The following CYBRD1 variants were observed in gnomAD, a reference collection of about 807,000 sequenced individuals.
The protein encoded by CYBRD1 is cytochrome b reductase 1.
A neutral mutation model predicts 21.9 loss-of-function variants in CYBRD1; 14 were observed. The observed-to-expected ratio is 0.64, with a 90% CI of 0.42 to 1.00. The LOEUF is 1.00. Among genes scored for constraint, CYBRD1 ranks in the 50% least tolerant of loss-of-function variants. CYBRD1 has a pLI of 0.00. For missense variants in CYBRD1, 328 were observed against 352.5 expected (o/e 0.93, Z 0.56); for synonymous variants, 146 against 136.5 (o/e 1.07, Z -0.48).
chr2:171,532,896 TG>T (rs1314508895), intron 1 of CYBRD1, among the ~76,000 whole-genome samples: 1 of 151,780 alleles, frequency 6.6e-6, no homozygotes, highest in East Asian at 1.9e-4. Context: ...TGTGTGTGTG[TG>T]TGTGTGTGTG....
chr2:171,528,513 CT>C, intron 1 of CYBRD1, among the ~76,000 whole-genome samples: 1 of 80,694 alleles, frequency 1.2e-5, no homozygotes, highest in Non-Finnish European at 2.6e-5. Context: ...CTGGTTCTTC[CT>C]CATCTTCCTG....
rs752282839 is a variant in CYBRD1, at chr2:171,554,722, C to T, written c.756C>T (p.Tyr252=). The part of the protein sequence containing the change: ...EQGARGSMPA[Y]SGNNMDKSDS... ...GAGCAAGAGGTTCCATGCCAGCCTA[C>T]TCTGGCAACAACATGGACAAATCAG... The change falls in exon 4 of 4, where the codon TAC becomes TAT. Residue 252 remains tyrosine (Y), a synonymous_variant. Coordinates refer to ENST00000321348, the MANE Select transcript of CYBRD1 (RefSeq NM_024843.4). The T allele has an allele frequency of 5.6e-6, 9 of 1,613,896 alleles. No homozygotes were observed. The East Asian group carries it at 8.9e-5, about 16-fold the overall frequency.
intron 1 of CYBRD1, among the ~76,000 whole-genome samples, chr2:171,531,678 TAG>T: frequency 6.6e-6 from 1 of 152,262 alleles, no homozygotes; most frequent in South Asian, 2.1e-4. Context: ...CTTAAATATT[TAG>T]AGCTGGCTGG....
intron 1 of CYBRD1, among the ~76,000 whole-genome samples, chr2:171,534,748 G>A (rs1456442086): frequency 6.6e-6 from 1 of 152,182 alleles, no homozygotes; most frequent in South Asian, 2.1e-4. Context: ...TAGTGGGTTT[G>A]CAGGCTTATG....
At chr2:171,538,075 A>G (rs1697571021) in intron 1 of CYBRD1, among the ~76,000 whole-genome samples, 1 of 152,122 alleles carries the variant, frequency 6.6e-6, no homozygotes, top group Non-Finnish European at 1.5e-5. Context: ...TCAGGAGTTC[A>G]AGATCAGCCT....
At chr2:171,527,131 C>G (rs1697396895) in intron 1 of CYBRD1, among the ~76,000 whole-genome samples, 1 of 152,104 alleles carries the variant, frequency 6.6e-6, no homozygotes, top group Non-Finnish European at 1.5e-5. Context: ...CTAAAAGAAG[C>G]TTCAGGGACA....
chr2:171,541,543 AAC>A, intron 1 of CYBRD1, 40 bp from the exon 2 acceptor site: 2 of 1,593,150 alleles, frequency 1.3e-6, no homozygotes, highest in Non-Finnish European at 1.7e-6. Flanking sequence ...TTGTTTAAAA[AAC>A]AAAACAAAAC....
intron 1 of CYBRD1, among the ~76,000 whole-genome samples, chr2:171,540,622 T>C (rs1227638819): frequency 2.6e-5 from 4 of 152,192 alleles, no homozygotes; most frequent in African/African-American, 9.7e-5. Context: ...CTGACTGCTG[T>C]ATATTCATTT....
intron 1 of CYBRD1, among the ~76,000 whole-genome samples, chr2:171,526,713 A>G (rs1407286547): frequency 1.3e-5 from 2 of 152,228 alleles, no homozygotes; most frequent in African/African-American, 2.4e-5. Context: ...ACTGAAACAA[A>G]TAAACGCTGT....
Position 171,522,780 on chromosome 2 carries a change from A to T in CYBRD1, c.193+42A>T. Reference sequence around the variant, plus strand: ...GGGGGGTGCGGGGAGGAAAGCGGGGAGAACGGCGGGGGCAGAGGGTCCTCC... The same window carrying T: ...GGGGGGTGCGGGGAGGAAAGCGGGGTGAACGGCGGGGGCAGAGGGTCCTCC... On this transcript the variant is annotated intron_variant, in intron 1 of 3. Coordinates refer to ENST00000321348, the MANE Select transcript of CYBRD1 (RefSeq NM_024843.4). This position sits in a 1 kb window ranked among gnomAD's most constrained non-coding sequence, Gnocchi z 4.3. The T allele has an allele frequency of 6.2e-7, 1 of 1,611,448 alleles. No individual in the cohort carries two copies. Among genetic ancestry groups the T allele is most frequent in the Non-Finnish European group, 8.5e-7 (1 of 1,179,068 alleles).
chr2:171,538,856 G>T (rs1281200569), intron 1 of CYBRD1, among the ~76,000 whole-genome samples: 1 of 152,114 alleles, frequency 6.6e-6, no homozygotes, highest in Admixed American at 6.5e-5. Context: ...GGAGTGCAAT[G>T]GTGCGGTCTT....
rs771090771 is a variant in CYBRD1, at chr2:171,522,629, C to T, written c.84C>T (p.Leu28=). 6.2e-7 allele frequency: 1 copy of T among 1,613,200 alleles called. No homozygotes were observed. Among genetic ancestry groups the T allele is most frequent in the Non-Finnish European group, 8.5e-7 (1 of 1,179,850 alleles). Residue 28 remains leucine (L), a synonymous_variant, in exon 1 of 4, where the codon CTC becomes CTT. Transcript: ENST00000321348. The surrounding 1 kb of genome is among the most constrained non-coding windows in gnomAD (Gnocchi z 4.3). ...GCTTCCTGTCGGTGATCTTCGCCCT[C>T]GTCTGGGTCCTCCACTACCGAGAGG... ...LVGFLSVIFA[L]VWVLHYREGL...
intron 1 of CYBRD1, among the ~76,000 whole-genome samples, chr2:171,524,093 GC>G (rs1697350617): frequency 6.6e-6 from 1 of 152,188 alleles, no homozygotes; most frequent in Admixed American, 6.5e-5. Flanking sequence ...TTGTACTGCA[GC>G]TTTGGCAAGT....
chr2:171,526,933 A>G (rs887609446), intron 1 of CYBRD1, among the ~76,000 whole-genome samples: 1 of 152,242 alleles, frequency 6.6e-6, no homozygotes, highest in African/African-American at 2.4e-5. Flanking sequence ...GTGAGATAAT[A>G]TAACTACCTT....
chr2:171,555,876 G>T lies in CYBRD1; in HGVS notation c.*1049G>T, dbSNP rs1030640103. 1 of 152,216 alleles carries T rather than the reference G, an allele frequency of 6.6e-6. No individual in the cohort carries two copies. Among genetic ancestry groups the T allele is most frequent in the Non-Finnish European group, 1.5e-5 (1 of 68,060 alleles). The allele number at this position is 152,216 out of a possible 1,614,324, so 9.4% of individuals were successfully genotyped here. On this transcript the variant is annotated 3_prime_UTR_variant, in exon 4 of 4. Coordinates refer to ENST00000321348, the MANE Select transcript of CYBRD1 (RefSeq NM_024843.4). ...CAGATGCAGGCAGTCTGGCACCTCA[G>T]TCTGGATTCTAACCATTTCACTAAG...
chr2:171,522,248 T>TTACTGAAGC, upstream of CYBRD1: 1 of 1,549,996 alleles, frequency 6.5e-7, no homozygotes, highest in Non-Finnish European at 8.7e-7. This position sits in a 1 kb window ranked among gnomAD's most constrained non-coding sequence, Gnocchi z 4.3. Flanking sequence ...ACTAGGTCTG[T>TTACTGAAGC]TACTGAAGCC....
chr2:171,522,410 C>A, upstream of CYBRD1: 1 of 1,504,636 alleles, frequency 6.6e-7, no homozygotes, highest in Non-Finnish European at 8.9e-7. This position sits in a 1 kb window ranked among gnomAD's most constrained non-coding sequence, Gnocchi z 4.3. Flanking sequence ...GCCAGCAGCC[C>A]AGAAAGTCCC....
At chr2:171,523,388 C>G in intron 1 of CYBRD1, 7 of 250,484 alleles carry the variant, frequency 2.8e-5, no homozygotes, top group Middle Eastern at 4.5e-4. Flanking sequence ...TAAACTCAGT[C>G]GAGTCCGGGA....
In CYBRD1 at chr2:171,553,564, G is replaced by A. The variant is rs919356052; in HGVS notation, c.557+64G>A. On this transcript the variant is annotated intron_variant, in intron 3 of 3. Coordinates refer to ENST00000321348, the MANE Select transcript of CYBRD1 (RefSeq NM_024843.4). The stretch of plus-strand genomic sequence containing the variant: ...ACAAAATGTTAAATACTTGTTCACT[G>A]GGAAAATGTAATAAAAATATAACAA... 7 of 1,398,434 alleles carry A rather than the reference G, an allele frequency of 5.0e-6. No individual in the cohort carries two copies. The African/African-American group carries it at 5.8e-5, about 12-fold the overall frequency. The allele number at this position is 1,398,434 out of a possible 1,614,324, so 86.6% of individuals were successfully genotyped here. A position where few individuals can be genotyped will look rare whatever the true frequency, so the allele number is the denominator to read the frequency against.
Sources: gnomAD v4.1 joint callset for allele counts (sites outside exome capture counted in the v4.1 genomes callset) on GRCh38, gnomAD v4.1.1 for gene constraint, Gnocchi (gnomAD v3.1) non-coding constraint, MANE v1.5 for transcripts, NCBI Gene and HGNC (gene_info 2026-07-23, HGNC 2026-07-21) for gene names.